PABPC4L: variants seen among roughly 807,000 people sequenced by gnomAD.
PABPC4L encodes poly(A) binding protein cytoplasmic 4 like, also known as polyadenylate-binding protein 4-like.
For synonymous variants in PABPC4L, 169 were observed against 164.1 expected (o/e 1.03, Z -0.23); for missense variants, 452 against 451.4 (o/e 1.00, Z -0.01).
At chr4:134,009,361 G>T in the PABPC4L span, among the ~76,000 whole-genome samples, 2 of 151,824 alleles carry the variant, frequency 1.3e-5, no homozygotes, top group Admixed American at 6.6e-5. Flanking sequence ...CTTGTTTGTG[G>T]ACTATAATGG....
At chr4:134,133,936 A>T in the PABPC4L span, among the ~76,000 whole-genome samples, 7 of 152,032 alleles carry the variant, frequency 4.6e-5, no homozygotes, top group Non-Finnish European at 8.8e-5. Flanking sequence ...CTGATTTTTT[A>T]AAAATAGTGT....
At chr4:134,185,960 C>A in the PABPC4L span, among the ~76,000 whole-genome samples, 3 of 152,068 alleles carry the variant, frequency 2.0e-5, no homozygotes, top group South Asian at 6.2e-4. Flanking sequence ...AATAAAATAC[C>A]TACGAATCCA....
chr4:133,963,818 G>T, the PABPC4L span, among the ~76,000 whole-genome samples: 1 of 152,078 alleles, frequency 6.6e-6, no homozygotes, highest in Non-Finnish European at 1.5e-5. Context: ...CTGGGTTACA[G>T]CAAAGGCAGT....
chr4:134,077,814 T>G, the PABPC4L span, among the ~76,000 whole-genome samples: 2 of 152,328 alleles, frequency 1.3e-5, no homozygotes, highest in Non-Finnish European at 2.9e-5. Flanking sequence ...ACATAATTTT[T>G]AAGTTGATTT....
At chr4:134,066,651 G>A in the PABPC4L span, among the ~76,000 whole-genome samples, 22 of 151,990 alleles carry the variant, frequency 1.4e-4, no homozygotes, top group Admixed American at 2.6e-4. Flanking sequence ...GCTTTTGCCC[G>A]TACAGTATGA....
chr4:133,963,403 A>G, the PABPC4L span, among the ~76,000 whole-genome samples: 2 of 152,204 alleles, frequency 1.3e-5, no homozygotes, highest in Admixed American at 6.5e-5. Flanking sequence ...GGAAAACTTC[A>G]GTATTCCACT....
chr4:134,031,038 G>A, the PABPC4L span, among the ~76,000 whole-genome samples: 12 of 151,960 alleles, frequency 7.9e-5, no homozygotes, highest in Non-Finnish European at 1.5e-4. Context: ...CTACTTGAGA[G>A]CGCTATCCAG....
At chr4:134,166,995 G>A in the PABPC4L span, among the ~76,000 whole-genome samples, 1 of 152,062 alleles carries the variant, frequency 6.6e-6, no homozygotes, top group Non-Finnish European at 1.5e-5. Flanking sequence ...TTGGCTTTCT[G>A]TTCTTGGCTT....
Position 134,200,939 on chromosome 4 carries a change from G to GA in PABPC4L, c.80dup (p.Arg28GlnfsTer36). ...CAGGCCCCACAGTGCTGAACTTCCTGAACAGCAGGTCCTCGGTGACATCTG... is the reference window on the plus strand; with the variant it reads ...CAGGCCCCACAGTGCTGAACTTCCTGAAACAGCAGGTCCTCGGTGACATCTG... On this transcript the variant is annotated frameshift_variant, in exon 2 of 2. Transcript: ENST00000421491. LOFTEE classifies it low-confidence loss of function (END_TRUNC). The GA allele has an allele frequency of 1.3e-6, 2 of 1,559,440 alleles. No homozygotes were observed. The highest frequency in any genetic ancestry group is 1.7e-6 in the Non-Finnish European group (2 of 1,151,370).
At chr4:133,989,527 T>G in the PABPC4L span, among the ~76,000 whole-genome samples, 1 of 152,324 alleles carries the variant, frequency 6.6e-6, no homozygotes, top group East Asian at 1.9e-4. Context: ...TCCATATGAC[T>G]TTCAACATTT....
the PABPC4L span, among the ~76,000 whole-genome samples, chr4:133,963,950 C>A: frequency 1.3e-5 from 2 of 151,952 alleles, no homozygotes; most frequent in East Asian, 3.9e-4. Flanking sequence ...CCAAACCCAC[C>A]AGAAGAAAGG....
At chr4:134,170,078 T>C in the PABPC4L span, among the ~76,000 whole-genome samples, 1 of 152,134 alleles carries the variant, frequency 6.6e-6, no homozygotes, top group Non-Finnish European at 1.5e-5. Flanking sequence ...TTTTCCCAAG[T>C]AGAACTGTGT....
At chr4:134,174,165 C>T in the PABPC4L span, among the ~76,000 whole-genome samples, 2 of 151,916 alleles carry the variant, frequency 1.3e-5, no homozygotes, top group African/African-American at 4.8e-5. Flanking sequence ...TTAACATCAA[C>T]ATGTTCCACT....
chr4:133,969,439 A>T, the PABPC4L span, among the ~76,000 whole-genome samples: 2 of 152,158 alleles, frequency 1.3e-5, no homozygotes, highest in Non-Finnish European at 2.9e-5. Context: ...AGTGGCATTT[A>T]GGCTGAATTT....
chr4:134,169,531 T>C, the PABPC4L span, among the ~76,000 whole-genome samples: 2 of 151,988 alleles, frequency 1.3e-5, no homozygotes, highest in African/African-American at 4.8e-5. Context: ...TAATCTTATA[T>C]TTAGAGAAAC....
chr4:134,167,831 C>T, the PABPC4L span, among the ~76,000 whole-genome samples: 74 of 152,096 alleles, frequency 4.9e-4, 1 homozygote, highest in South Asian at 0.013. Context: ...GGCCCCAATA[C>T]AGTAATAGTT....
chr4:133,953,140 T>A, the PABPC4L span, among the ~76,000 whole-genome samples: 3 of 152,166 alleles, frequency 2.0e-5, no homozygotes, highest in Admixed American at 6.6e-5. Context: ...TCTTCCTTTT[T>A]CCATTCCAGA....
At chr4:134,130,855 G>C in the PABPC4L span, among the ~76,000 whole-genome samples, 2 of 152,062 alleles carry the variant, frequency 1.3e-5, no homozygotes, top group African/African-American at 4.8e-5. Context: ...GATCCAGTGG[G>C]TTTCATACCA....
the PABPC4L span, among the ~76,000 whole-genome samples, chr4:134,144,437 A>T: frequency 6.6e-6 from 1 of 151,588 alleles, no homozygotes; most frequent in South Asian, 2.1e-4. Context: ...ACACTTTAAA[A>T]GACACAAATT....
Sources: gnomAD v4.1 joint callset for allele counts (sites outside exome capture counted in the v4.1 genomes callset) on GRCh38, gnomAD v4.1.1 for gene constraint, MANE v1.5 for transcripts, NCBI Gene and HGNC (gene_info 2026-07-23, HGNC 2026-07-21) for gene names.